MAGEB17: variants seen among roughly 807,000 people sequenced by gnomAD.
MAGEB17 encodes MAGE family member B17, also known as melanoma-associated antigen B17.
For synonymous variants in MAGEB17, 110 were observed against 112.4 expected (o/e 0.98, Z 0.13); for missense variants, 251 against 281.4 (o/e 0.89, Z 0.77).
In MAGEB17 at chrX:16,170,890, G is replaced by C; in HGVS notation, c.508G>C (p.Asp170His). The C allele has an allele frequency of 8.6e-7, 1 of 1,167,182 alleles. No individual in the cohort carries two copies. The highest frequency in any genetic ancestry group is 1.1e-6 in the Non-Finnish European group (1 of 873,113). Residue 170 changes from aspartate (D) to histidine (H), a missense_variant, in exon 2 of 2, where the codon GAC (aspartate) becomes CAC (histidine). By Grantham distance (81) the Asp-to-His change is moderately conservative. Transcript: ENST00000400004. Reference protein sequence around the residue: ...VVFGLYLKEMDPSRQSYVLVG... With the variant: ...VVFGLYLKEMHPSRQSYVLVG... Reference sequence around the variant, plus strand: ...CTTTGGCCTCTACCTGAAGGAAATGGACCCCAGCCGTCAGTCCTATGTGCT... The same window carrying C: ...CTTTGGCCTCTACCTGAAGGAAATGCACCCCAGCCGTCAGTCCTATGTGCT...
Position 16,171,342 on chromosome X carries a change from G to A in MAGEB17, c.960G>A (p.Ala320=), listed in dbSNP as rs61736169. Residue 320 remains alanine, a synonymous_variant, in exon 2 of 2, where the codon GCG becomes GCA. Coordinates refer to ENST00000400004, the MANE Select transcript of MAGEB17 (RefSeq NM_001277307.2). Reference sequence around the variant, plus strand: ...AGGAAGAGCAAGCCAGAGCCAGAGCGGTAGCCAGGGATAGCGCCAGGGCCA... The same window carrying A: ...AGGAAGAGCAAGCCAGAGCCAGAGCAGTAGCCAGGGATAGCGCCAGGGCCA... ...REEEEQARAR[A]VARDSARARA... is the part of the protein sequence containing the mutation. 2.3e-4 allele frequency: 269 copies of A among 1,155,410 alleles called. No homozygotes were observed. In the African/African-American group the frequency reaches 3.2e-3, roughly 14 times the overall value.
chrX:16,171,179 C>T lies in MAGEB17; in HGVS notation c.797C>T (p.Pro266Leu). The change falls in exon 2 of 2, where the codon CCT becomes CTT. Residue 266 changes from proline to leucine, a missense_variant. By Grantham distance (98) the Pro-to-Leu change is moderately conservative. Transcript: ENST00000400004. ...LEYQQVPSSD[P>L]PRYEFLWGPR... ...TACCAGCAGGTGCCCAGCAGCGATC[C>T]TCCACGCTACGAGTTCCTGTGGGGT... 1 of 1,210,472 alleles carries T rather than the reference C, an allele frequency of 8.3e-7. No individual in the cohort carries two copies. The highest frequency in any genetic ancestry group is 1.7e-5 in the African/African-American group (1 of 57,798).
Position 16,171,137 on chromosome X carries a change from G to A in MAGEB17, c.755G>A (p.Arg252Gln), listed in dbSNP as rs1046287079. 14 of 1,209,379 alleles carry A rather than the reference G, an allele frequency of 1.2e-5. No homozygotes were observed. Among genetic ancestry groups the A allele is most frequent in the East Asian group, 5.9e-5 (2 of 33,760 alleles). The change falls in exon 2 of 2, where the codon CGA becomes CAA. Residue 252 changes from arginine (R) to glutamine (Q), a missense_variant. By Grantham distance (43) the Arg-to-Gln change is conservative. Coordinates refer to ENST00000400004, the MANE Select transcript of MAGEB17 (RefSeq NM_001277307.2). ...PQELVTKDLV[R>Q]EGYLEYQQVP... ...GAGCTTGTCACCAAAGATTTGGTGC[G>A]AGAGGGGTACCTGGAGTACCAGCAG...
rs765517554 is a variant in MAGEB17, at chrX:16,171,180, T to C, written c.798T>C (p.Pro266=). 1.6e-4 allele frequency: 188 copies of C among 1,208,766 alleles called. No individual in the cohort carries two copies. Among genetic ancestry groups the C allele is most frequent in the Non-Finnish European group, 5.0e-5 (45 of 894,644 alleles). ...LEYQQVPSSD[P]PRYEFLWGPR... ...ACCAGCAGGTGCCCAGCAGCGATCC[T>C]CCACGCTACGAGTTCCTGTGGGGTC... is the stretch of plus-strand genomic sequence containing the variant. The change falls in exon 2 of 2, where the codon CCT becomes CCC. Residue 266 remains proline, a synonymous_variant. Coordinates refer to ENST00000400004, the MANE Select transcript of MAGEB17 (RefSeq NM_001277307.2).
At chrX:16,169,246 C>T (rs1923006965) in intron 1 of MAGEB17, among the ~76,000 whole-genome samples, 3 of 111,927 alleles carry the variant, frequency 2.7e-5, no homozygotes, top group Non-Finnish European at 3.8e-5. Flanking sequence ...GACCCAGGCA[C>T]GTTGGCATGG....
Position 16,171,340 on chromosome X carries a change from G to A in MAGEB17, c.958G>A (p.Ala320Thr). The change falls in exon 2 of 2, where the codon GCG becomes ACG. Residue 320 changes from alanine to threonine, a missense_variant. Transcript: ENST00000400004. ...GGAGGAAGAGCAAGCCAGAGCCAGA[G>A]CGGTAGCCAGGGATAGCGCCAGGGC... ...REEEEQARAR[A>T]VARDSARARA... 1 of 1,159,949 alleles carries A rather than the reference G, an allele frequency of 8.6e-7. No individual in the cohort carries two copies. The highest frequency in any genetic ancestry group is 1.1e-6 in the Non-Finnish European group (1 of 870,451).
At position 16,170,356 on chromosome X, in the gene MAGEB17, T is replaced by TGCCTGCACCCCTAAGG; in HGVS notation, c.-21_-20insACCCCTAAGGGCCTGC. 1 of 1,140,080 alleles carries TGCCTGCACCCCTAAGG rather than the reference T, an allele frequency of 8.8e-7. No individual in the cohort carries two copies. Among genetic ancestry groups the TGCCTGCACCCCTAAGG allele is most frequent in the South Asian group, 2.1e-5 (1 of 48,239 alleles). 94.0% of individuals were successfully genotyped at this position (1,140,080 alleles called of 1,213,427 possible). A position where few individuals can be genotyped will look rare whatever the true frequency, so the allele number is the denominator to read the frequency against. On this transcript the variant is annotated 5_prime_UTR_variant, in exon 2 of 2. Transcript: ENST00000400004. ...CAGGTGCCCACCTCCTGCACCCTCTTGCCTGCTGCCCCTAAGCACAGTCAT... is the reference window on the plus strand; with the variant it reads ...CAGGTGCCCACCTCCTGCACCCTCTTGCCTGCACCCCTAAGGGCCTGCTGCCCCTAAGCACAGTCAT...
intron 1 of MAGEB17, among the ~76,000 whole-genome samples, chrX:16,168,354 A>G (rs758329588): frequency 1.8e-5 from 2 of 110,445 alleles, no homozygotes; most frequent in East Asian, 5.7e-4. Flanking sequence ...AAAGAAAAAA[A>G]AAAAAAAGGA....
At chrX:16,169,515 G>T (rs1025382801) in intron 1 of MAGEB17, among the ~76,000 whole-genome samples, 8 of 111,901 alleles carry the variant, frequency 7.1e-5, no homozygotes, top group Non-Finnish European at 1.5e-4. Flanking sequence ...AGAATGGAGG[G>T]GCTGGTATGA....
chrX:16,170,239 A>C, intron 1 of MAGEB17, 95 bp from the exon 2 acceptor site: 1 of 1,049,728 alleles, frequency 9.5e-7, no homozygotes, highest in Middle Eastern at 3.8e-4. Flanking sequence ...TGGTGGGGCT[A>C]TGGAGCAGGG....
chrX:16,168,868 G>C (rs1922998119), intron 1 of MAGEB17: 1 of 110,366 alleles, frequency 9.1e-6, no homozygotes, highest in African/African-American at 3.3e-5. Flanking sequence ...GCTGCCCCAG[G>C]TCAGCGGAGA....
chrX:16,168,631 T>A (rs1922993092), intron 1 of MAGEB17: 1 of 112,561 alleles, frequency 8.9e-6, no homozygotes, highest in South Asian at 3.7e-4. Flanking sequence ...GTCCCACCCC[T>A]GCTGTCACGC....
At position 16,167,723 on chromosome X, in the gene MAGEB17, A is replaced by G. The variant is rs1370252172; in HGVS notation, c.-110A>G. 2.7e-5 allele frequency: 3 copies of G among 112,030 alleles called. No individual in the cohort carries two copies. Among genetic ancestry groups the G allele is most frequent in the Non-Finnish European group, 5.6e-5 (3 of 53,128 alleles). 9.2% of individuals were successfully genotyped at this position (112,030 alleles called of 1,213,427 possible). A position where few individuals can be genotyped will look rare whatever the true frequency, so the allele number is the denominator to read the frequency against. On this transcript the variant is annotated 5_prime_UTR_variant, in exon 1 of 2. Coordinates refer to ENST00000400004, the MANE Select transcript of MAGEB17 (RefSeq NM_001277307.2). ...GCCTGGGAAGCTGCCGGAAGTGAGG[A>G]TCTTCGTCTGAGGGACGCCACCTCA...
chrX:16,171,195 C>A lies in MAGEB17; in HGVS notation c.813C>A (p.Phe271Leu). ...VPSSDPPRYE[F>L]LWGPRARAET... ...GCAGCGATCCTCCACGCTACGAGTT[C>A]CTGTGGGGTCCCAGGGCCCGTGCTG... Residue 271 changes from phenylalanine to leucine, a missense_variant, in exon 2 of 2, where the codon TTC becomes TTA. Transcript: ENST00000400004. 8.3e-7 allele frequency: 1 copy of A among 1,210,263 alleles called. No homozygotes were observed. Among genetic ancestry groups the A allele is most frequent in the Non-Finnish European group, 1.1e-6 (1 of 894,867 alleles).
In MAGEB17 at chrX:16,170,438, G is replaced by A. The variant is rs1258466490; in HGVS notation, c.56G>A (p.Arg19Gln). ...GCCCGTGAGAAACGCCGCCAGGCTC[G>A]AGGTGAAGACCAATGTCTCGGGGGT... is the stretch of plus-strand genomic sequence containing the variant. ...RRAREKRRQA[R>Q]GEDQCLGGAQ... Residue 19 changes from arginine to glutamine, a missense_variant, in exon 2 of 2, where the codon CGA (arginine) becomes CAA (glutamine). Physicochemically the swap from Arg to Gln is conservative, Grantham distance 43. Transcript: ENST00000400004. 5.1e-6 allele frequency: 6 copies of A among 1,165,411 alleles called. No individual in the cohort carries two copies. Among genetic ancestry groups the A allele is most frequent in the South Asian group, 1.9e-5 (1 of 52,468 alleles).
At chrX:16,169,801 G>A (rs1449066682) in intron 1 of MAGEB17, among the ~76,000 whole-genome samples, 1 of 111,259 alleles carries the variant, frequency 9.0e-6, no homozygotes, top group Non-Finnish European at 1.9e-5. Flanking sequence ...CCTAAGTGAG[G>A]ACTAACAGGG....
chrX:16,170,941 C>T lies in MAGEB17; in HGVS notation c.559C>T (p.Gln187Ter). The part of the protein sequence containing the change: ...VLVGKLDFPN[Q>*]GSLSDGGGFP... ...TGTTGGCAAGCTGGACTTTCCCAATCAAGGAAGCTTGAGCGATGGCGGGGG... is the reference window on the plus strand; with the variant it reads ...TGTTGGCAAGCTGGACTTTCCCAATTAAGGAAGCTTGAGCGATGGCGGGGG... The change falls in exon 2 of 2, where the codon CAA (glutamine) becomes TAA (stop). Residue 187 changes from glutamine to a stop codon, truncating the protein, a stop_gained. Coordinates refer to ENST00000400004, the MANE Select transcript of MAGEB17 (RefSeq NM_001277307.2). LOFTEE classifies it low-confidence loss of function (END_TRUNC). The T allele has an allele frequency of 1.1e-5, 13 of 1,167,520 alleles. No individual in the cohort carries two copies. Among genetic ancestry groups the T allele is most frequent in the Non-Finnish European group, 1.4e-5 (12 of 873,185 alleles).
In MAGEB17 at chrX:16,171,234, G is replaced by A; in HGVS notation, c.852G>A (p.Met284Ile). Residue 284 changes from methionine to isoleucine, a missense_variant, in exon 2 of 2, where the codon ATG (methionine) becomes ATA (isoleucine). Coordinates refer to ENST00000400004, the MANE Select transcript of MAGEB17 (RefSeq NM_001277307.2). ...GPRARAETSK[M>I]KVLEFVAKLN... ...GGGCCCGTGCTGAAACCAGCAAAAT[G>A]AAAGTCCTGGAGTTTGTGGCCAAGC... 1 of 1,210,168 alleles carries A rather than the reference G, an allele frequency of 8.3e-7. No individual in the cohort carries two copies. The highest frequency in any genetic ancestry group is 1.1e-6 in the Non-Finnish European group (1 of 894,901).
In MAGEB17 at chrX:16,170,653, A is replaced by G; in HGVS notation, c.271A>G (p.Ser91Gly). ...AGGTGCCAAGGGCCAAAAGGGGGAA[A>G]GTCCCAACTCCTTCCATGGCCCGTC... ...DEGAKGQKGE[S>G]PNSFHGPSSS... The change falls in exon 2 of 2, where the codon AGT (serine) becomes GGT (glycine). Residue 91 changes from serine (S) to glycine (G), a missense_variant. Transcript: ENST00000400004. The G allele has an allele frequency of 8.6e-7, 1 of 1,167,221 alleles. No homozygotes were observed.
Sources: gnomAD v4.1 joint callset for allele counts (sites outside exome capture counted in the v4.1 genomes callset) on GRCh38, gnomAD v4.1.1 for gene constraint, MANE v1.5 for transcripts, NCBI Gene and HGNC (gene_info 2026-07-23, HGNC 2026-07-21) for gene names.